SPECC1: variants seen among roughly 807,000 people sequenced by gnomAD.
SPECC1 encodes the protein cytospin-B.
SPECC1 carries 62 observed loss-of-function variants against 104.1 expected under a neutral mutation model. The observed-to-expected ratio is 0.60, with a 90% CI of 0.49 to 0.74. The LOEUF (loss-of-function observed/expected upper bound fraction) is 0.74, where lower values mean the gene tolerates loss of function less well. Ranked by LOEUF, SPECC1 falls within the 30% of genes least tolerant of loss-of-function variation. SPECC1 has a pLI of 0.00. For synonymous variants in SPECC1, 513 were observed against 501.6 expected (o/e 1.02, Z -0.30); for missense variants, 1,306 against 1,310.5 (o/e 1.00, Z 0.05).
chr17:20,137,704 T>G (rs2030179024), intron 3 of SPECC1, among the ~76,000 whole-genome samples: 3 of 152,184 alleles, frequency 2.0e-5, no homozygotes, highest in Admixed American at 2.0e-4. Flanking sequence ...CTAACTCCAT[T>G]GCCCAGGCTG....
At chr17:20,291,191 G>A (rs1402288668) in intron 12 of SPECC1, among the ~76,000 whole-genome samples, 2 of 152,142 alleles carry the variant, frequency 1.3e-5, no homozygotes, top group African/African-American at 4.8e-5. Flanking sequence ...TGGGGTTCTA[G>A]TTTCTTTAAC....
chr17:20,212,550 G>A (rs910792491), intron 4 of SPECC1, among the ~76,000 whole-genome samples: 5 of 152,132 alleles, frequency 3.3e-5, no homozygotes, highest in South Asian at 2.1e-4. Flanking sequence ...GACTTATACT[G>A]TCAGGAGAAC....
At chr17:20,112,528 A>C in intron 3 of SPECC1, 1 of 775,686 alleles carries the variant, frequency 1.3e-6, no homozygotes, top group South Asian at 1.4e-5. Flanking sequence ...TGGACCTTTG[A>C]AACATTAACT....
chr17:20,256,664 T>C (rs1377089252), intron 10 of SPECC1, among the ~76,000 whole-genome samples: 2 of 152,136 alleles, frequency 1.3e-5, no homozygotes, highest in Non-Finnish European at 2.9e-5. Flanking sequence ...TCTATAAATA[T>C]AAACTAGACA....
chr17:20,025,510 C>A (rs984138628), intron 1 of SPECC1, among the ~76,000 whole-genome samples: 10 of 152,140 alleles, frequency 6.6e-5, no homozygotes, highest in Non-Finnish European at 1.5e-4. Flanking sequence ...CATAAGGTTT[C>A]CGAGATTCAT....
In SPECC1 at chr17:20,106,454, A is replaced by G. The variant is rs946673807; in HGVS notation, c.148-3973A>G. ...GTAGTGTAACTTCTGGATTAACTCAAGTGTCATGTTTGGTCCATGATATGG... is the reference window on the plus strand; with the variant it reads ...GTAGTGTAACTTCTGGATTAACTCAGGTGTCATGTTTGGTCCATGATATGG... On this transcript the variant is annotated intron_variant, in intron 2 of 14. Transcript: ENST00000395527. Among the ~76,000 whole-genome samples the G allele has an allele frequency of 2.0e-5, 3 of 152,178 alleles. No homozygotes were observed. The East Asian group carries it at 5.8e-4, about 29-fold the overall frequency.
At chr17:20,020,406 G>A (rs1052922602) in intron 1 of SPECC1, among the ~76,000 whole-genome samples, 1 of 151,822 alleles carries the variant, frequency 6.6e-6, no homozygotes, top group Non-Finnish European at 1.5e-5. Context: ...TGTGATCTCG[G>A]CTCCCTGCAA....
chr17:20,310,424 C>T (rs1186365146), intron 14 of SPECC1, among the ~76,000 whole-genome samples: 1 of 152,116 alleles, frequency 6.6e-6, no homozygotes, highest in African/African-American at 2.4e-5. Context: ...AATAGCCATT[C>T]TGACTGGTGT....
chr17:20,180,469 C>T (rs920049395), intron 3 of SPECC1, among the ~76,000 whole-genome samples: 2 of 152,098 alleles, frequency 1.3e-5, no homozygotes, highest in Non-Finnish European at 2.9e-5. Flanking sequence ...GAACAAACAC[C>T]AGGAACAAAA....
chr17:20,097,841 G>A (rs974577403), intron 2 of SPECC1, among the ~76,000 whole-genome samples: 10 of 152,148 alleles, frequency 6.6e-5, no homozygotes, highest in African/African-American at 2.4e-4. Context: ...TGTGTGGGTC[G>A]TGGAGCAGTT....
intron 11 of SPECC1, among the ~76,000 whole-genome samples, chr17:20,259,010 T>C (rs1028886170): frequency 1.3e-5 from 2 of 152,256 alleles, no homozygotes; most frequent in African/African-American, 4.8e-5. Flanking sequence ...TTTCACTTAG[T>C]AAAACTTACG....
chr17:20,231,012 A>G (rs1464677824), intron 5 of SPECC1, among the ~76,000 whole-genome samples: 7 of 152,230 alleles, frequency 4.6e-5, no homozygotes, highest in African/African-American at 9.6e-5. Flanking sequence ...AGGTTAGAGC[A>G]TGAGGACCTA....
intron 1 of SPECC1, among the ~76,000 whole-genome samples, chr17:20,045,907 T>C (rs977084112): frequency 6.6e-6 from 1 of 152,188 alleles, no homozygotes; most frequent in African/African-American, 2.4e-5. Flanking sequence ...AATTTATATC[T>C]TATTTTGTTG....
chr17:20,052,438 A>C (rs1453463175), intron 1 of SPECC1, among the ~76,000 whole-genome samples: 2 of 152,210 alleles, frequency 1.3e-5, no homozygotes, highest in African/African-American at 2.4e-5. Context: ...TAGACCAAAA[A>C]CCAGAGTTCT....
intron 4 of SPECC1, among the ~76,000 whole-genome samples, chr17:20,225,934 A>G (rs916432734): frequency 6.6e-5 from 10 of 152,144 alleles, no homozygotes; most frequent in East Asian, 3.9e-4. Context: ...TCATTCAATC[A>G]TTCATCAAAT....
intron 3 of SPECC1, among the ~76,000 whole-genome samples, chr17:20,138,266 T>A (rs1433532069): frequency 6.6e-6 from 1 of 151,592 alleles, no homozygotes; most frequent in East Asian, 1.9e-4. Flanking sequence ...CTAGCTTGAG[T>A]CTTAATTTTT....
intron 4 of SPECC1, among the ~76,000 whole-genome samples, chr17:20,215,980 A>C (rs1567950581): frequency 1.3e-5 from 2 of 152,234 alleles, no homozygotes; most frequent in South Asian, 4.1e-4. Context: ...CTGGTATCAA[A>C]AAACAGAAAC....
chr17:20,147,685 T>C (rs1218299362), intron 3 of SPECC1, among the ~76,000 whole-genome samples: 4 of 152,250 alleles, frequency 2.6e-5, no homozygotes, highest in African/African-American at 9.6e-5. Flanking sequence ...TAGTTTTGTG[T>C]ATGTTGCGGC....
chr17:20,020,724 C>G (rs1357688860), intron 1 of SPECC1, among the ~76,000 whole-genome samples: 1 of 152,258 alleles, frequency 6.6e-6, no homozygotes, highest in East Asian at 1.9e-4. Context: ...CCATGCAAGC[C>G]CCTCTGTTGT....
Sources: gnomAD v4.1 joint callset for allele counts (sites outside exome capture counted in the v4.1 genomes callset) on GRCh38, gnomAD v4.1.1 for gene constraint, MANE v1.5 for transcripts, NCBI Gene and HGNC (gene_info 2026-07-23, HGNC 2026-07-21) for gene names.